NLGN2: variants seen among roughly 807,000 people sequenced by gnomAD.
NLGN2 encodes the protein neuroligin 2, also known as neuroligin-2.
NLGN2 carries 11 observed loss-of-function variants against 48.6 expected under a neutral mutation model. That is an observed-to-expected ratio of 0.23 (90% CI 0.14 to 0.37). The LOEUF is 0.37. Among genes scored for constraint, NLGN2 ranks in the 10% least tolerant of loss-of-function variants. The pLI, the probability that NLGN2 is intolerant of heterozygous loss-of-function variation, is 1.00. For missense variants in NLGN2, 801 were observed against 1,225.2 expected (o/e 0.65, Z 5.17); for synonymous variants, 548 against 550.0 (o/e 1.00, Z 0.05).
intron 5 of NLGN2, 55 bp from the exon 6 acceptor site, chr17:7,415,456 C>A: frequency 6.6e-7 from 1 of 1,519,684 alleles, no homozygotes; most frequent in Non-Finnish European, 9.1e-7. Context: ...TAGCAGGCCA[C>A]AGGCCAAGAG....
intron 6 of NLGN2, 124 bp downstream of exon 6, chr17:7,416,231 C>T (rs1489045922): frequency 2.6e-6 from 2 of 756,238 alleles, no homozygotes; most frequent in Non-Finnish European, 4.6e-6. Flanking sequence ...ACCCAGACAC[C>T]TCTGTGCCAG....
At chr17:7,406,381 G>A (rs974199707), upstream of NLGN2, among the ~76,000 whole-genome samples, 1 of 151,962 alleles carries the variant, frequency 6.6e-6, no homozygotes, top group African/African-American at 2.4e-5. Flanking sequence ...GTGGGGAGGG[G>A]GAGGGGGCAG....
At position 7,408,619 on chromosome 17, in the gene NLGN2, T is replaced by C; in HGVS notation, c.364T>C (p.Trp122Arg). ...GCTGCCCGCCATCATGCTGCCTGTGTGGTTCACCGACAACTTGGAGGCGGC... is the reference window on the plus strand; with the variant it reads ...GCTGCCCGCCATCATGCTGCCTGTGCGGTTCACCGACAACTTGGAGGCGGC... ...GALPAIMLPVWFTDNLEAAAT... is the reference protein window; with the variant it reads ...GALPAIMLPVRFTDNLEAAAT... The change falls in exon 1 of 7, where the codon TGG (tryptophan) becomes CGG (arginine). Residue 122 changes from tryptophan (W) to arginine (R), a missense_variant. Transcript: ENST00000302926. The surrounding 1 kb of genome is among the most constrained non-coding windows in gnomAD (Gnocchi z 7.5). 6.2e-7 allele frequency: 1 copy of C among 1,606,932 alleles called. No individual in the cohort carries two copies. Among genetic ancestry groups the C allele is most frequent in the Non-Finnish European group, 8.5e-7 (1 of 1,177,330 alleles).
At position 7,411,617 on chromosome 17, in the gene NLGN2, G is replaced by C. The variant is rs1238629124; in HGVS notation, c.458-540G>C. On this transcript the variant is annotated intron_variant, in intron 1 of 6. Coordinates refer to ENST00000302926, the MANE Select transcript of NLGN2 (RefSeq NM_020795.4). The surrounding 1 kb of genome is among the most constrained non-coding windows in gnomAD (Gnocchi z 4.5). ...GCTGCCCTGCAGAGTGGTCCAGAGG[G>C]AAGCAGAGTCTTTTCTGCGGCAGTC... Among the ~76,000 whole-genome samples the C allele has an allele frequency of 2.0e-5, 3 of 152,198 alleles. No homozygotes were observed. In the East Asian group the frequency reaches 5.8e-4, roughly 29 times the overall value.
chr17:7,412,196 C>A lies in NLGN2; in HGVS notation c.497C>A (p.Pro166Gln). 6.2e-7 allele frequency: 1 copy of A among 1,612,730 alleles called. No homozygotes were observed. The highest frequency in any genetic ancestry group is 8.5e-7 in the Non-Finnish European group (1 of 1,179,446). ...TKKRDEATLN[P>Q]PDTDIRDPGK... Reference sequence around the variant, plus strand: ...AAACGTGACGAGGCGACGCTCAATCCGCCAGACACAGGTAGATTTAAAAAT... The same window carrying A: ...AAACGTGACGAGGCGACGCTCAATCAGCCAGACACAGGTAGATTTAAAAAT... Residue 166 changes from proline (P) to glutamine (Q), a missense_variant, in exon 2 of 7, where the codon CCG becomes CAG. This residue lies in a region of NLGN2 where 56 missense variants were observed against 100.0 expected (regional missense o/e 0.56). Transcript: ENST00000302926.
chr17:7,417,161 C>A lies in NLGN2; in HGVS notation c.1870C>A (p.Pro624Thr). The A allele has an allele frequency of 1.2e-6, 2 of 1,601,232 alleles. No individual in the cohort carries two copies. Among genetic ancestry groups the A allele is most frequent in the Non-Finnish European group, 1.7e-6 (2 of 1,176,722 alleles). ...CTTCACCACCACCACGCGCCTGCCT[C>A]CCTACGCCACGCGCTGGCCGCCTCG... ...ELFTTTTRLPPYATRWPPRPP... is the reference protein window; with the variant it reads ...ELFTTTTRLPTYATRWPPRPP... Residue 624 changes from proline (P) to threonine (T), a missense_variant, in exon 7 of 7, where the codon CCC (proline) becomes ACC (threonine). Coordinates refer to ENST00000302926, the MANE Select transcript of NLGN2 (RefSeq NM_020795.4).
At position 7,417,591 on chromosome 17, in the gene NLGN2, C is replaced by A; in HGVS notation, c.2300C>A (p.Pro767His). 1 of 1,429,000 alleles carries A rather than the reference C, an allele frequency of 7.0e-7. No individual in the cohort carries two copies. The allele number at this position is 1,429,000 out of a possible 1,614,324, so 88.5% of individuals were successfully genotyped here. A position where few individuals can be genotyped will look rare whatever the true frequency, so the allele number is the denominator to read the frequency against. ...GAGGCTCTGCGCCCTGCCTGCCCGC[C>A]CGACTACACCCTGGCCCTGCGCCGG... ...PAEALRPACP[P>H]DYTLALRRAP... is the part of the protein sequence containing the mutation. The change falls in exon 7 of 7, where the codon CCC becomes CAC. Residue 767 changes from proline to histidine, a missense_variant. Around this residue, in one of 5 missense-constraint regions of NLGN2, gnomAD observed 276 missense variants for 313.9 expected, o/e 0.88. Coordinates refer to ENST00000302926, the MANE Select transcript of NLGN2 (RefSeq NM_020795.4).
chr17:7,408,466 G>T lies in NLGN2; in HGVS notation c.211G>T (p.Gly71Cys). The change falls in exon 1 of 7, where the codon GGC becomes TGC. Residue 71 changes from glycine (G) to cysteine (C), a missense_variant. Gly to Cys is a radical substitution (Grantham distance 159). Coordinates refer to ENST00000302926, the MANE Select transcript of NLGN2 (RefSeq NM_020795.4). This position sits in a 1 kb window ranked among gnomAD's most constrained non-coding sequence, Gnocchi z 7.5. ...EILGPVVQFL[G>C]VPYATPPLGA... ...CCTGGGCCCCGTCGTGCAGTTCTTGGGCGTGCCCTACGCCACGCCGCCCCT... is the reference window on the plus strand; with the variant it reads ...CCTGGGCCCCGTCGTGCAGTTCTTGTGCGTGCCCTACGCCACGCCGCCCCT... 1 of 1,552,436 alleles carries T rather than the reference G, an allele frequency of 6.4e-7. No homozygotes were observed. Among genetic ancestry groups the T allele is most frequent in the Admixed American group, 1.9e-5 (1 of 53,616 alleles).
rs1164179785 is a variant in NLGN2, at chr17:7,408,269, C to T, written c.14C>T (p.Ala5Val). MWLL[A>V]LCLVGLAGAQ... ...CCCCCGATCAGCATGTGGCTCCTGG[C>T]GCTGTGTCTGGTGGGGCTGGCGGGG... The change falls in exon 1 of 7, where the codon GCG (alanine) becomes GTG (valine). Residue 5 changes from alanine to valine, a missense_variant. Physicochemically the swap from Ala to Val is moderately conservative, Grantham distance 64 (BLOSUM62 0). Coordinates refer to ENST00000302926, the MANE Select transcript of NLGN2 (RefSeq NM_020795.4). The surrounding 1 kb of genome is among the most constrained non-coding windows in gnomAD (Gnocchi z 7.5). 2 of 1,307,756 alleles carry T rather than the reference C, an allele frequency of 1.5e-6. No homozygotes were observed. Among genetic ancestry groups the T allele is most frequent in the South Asian group, 2.1e-5 (1 of 47,040 alleles). The allele number at this position is 1,307,756 out of a possible 1,614,324, so 81.0% of individuals were successfully genotyped here. A position where few individuals can be genotyped will look rare whatever the true frequency, so the allele number is the denominator to read the frequency against.
rs1324775449 is a variant in NLGN2 at position 7,415,760 on chromosome 17, G to A, written c.1287G>A (p.Glu429=). 11 of 1,614,262 alleles carry A rather than the reference G, an allele frequency of 6.8e-6. No homozygotes were observed. Among genetic ancestry groups the A allele is most frequent in the Non-Finnish European group, 9.3e-6 (11 of 1,180,036 alleles). Residue 429 remains glutamate (E), a synonymous_variant, in exon 6 of 7, where the codon GAG becomes GAA. Transcript: ENST00000302926. ...CGGAAGGCAAGGATGTGCTTCGGGA[G>A]ACCATCAAGTTTATGTACACAGACT... ...GYPEGKDVLR[E]TIKFMYTDWA...
chr17:7,417,316 G>A lies in NLGN2; in HGVS notation c.2025G>A (p.Glu675=). The A allele has an allele frequency of 6.2e-7, 1 of 1,610,334 alleles. No individual in the cohort carries two copies. Among genetic ancestry groups the A allele is most frequent in the Non-Finnish European group, 8.5e-7 (1 of 1,178,822 alleles). Reference sequence around the variant, plus strand: ...GGGACTCACGGGACTACTCCACGGAGCTGAGCGTCACCGTGGCCGTGGGTG... The same window carrying A: ...GGGACTCACGGGACTACTCCACGGAACTGAGCGTCACCGTGGCCGTGGGTG... The part of the protein sequence containing the change: ...FPGDSRDYST[E]LSVTVAVGAS... The change falls in exon 7 of 7, where the codon GAG becomes GAA. Residue 675 remains glutamate (E), a synonymous_variant. Transcript: ENST00000302926.
At chr17:7,406,437 C>T (rs1906641544), upstream of NLGN2, among the ~76,000 whole-genome samples, 1 of 152,030 alleles carries the variant, frequency 6.6e-6, no homozygotes, top group East Asian at 1.9e-4. Flanking sequence ...AAAAGGAGAT[C>T]CTGGGGGAAT....
chr17:7,407,434 G>T (rs190380129), upstream of NLGN2, among the ~76,000 whole-genome samples: 3 of 152,352 alleles, frequency 2.0e-5, no homozygotes, highest in Admixed American at 1.3e-4. Context: ...TTGAAGTGGG[G>T]ATAAGGTGCT....
rs953494222 is a variant in NLGN2 at position 7,411,576 on chromosome 17, C to T, written c.458-581C>T. On this transcript the variant is annotated intron_variant, in intron 1 of 6. Coordinates refer to ENST00000302926, the MANE Select transcript of NLGN2 (RefSeq NM_020795.4). The surrounding 1 kb of genome is among the most constrained non-coding windows in gnomAD (Gnocchi z 4.5). ...CTGAGCTGTGGGGCAGGCTGCCCCC[C>T]AACCCTGTCCTGCTCGCTGCCCTGC... Among the ~76,000 whole-genome samples the T allele has an allele frequency of 3.3e-5, 5 of 152,212 alleles. No homozygotes were observed. The highest frequency in any genetic ancestry group is 1.2e-4 in the African/African-American group (5 of 41,450).
In NLGN2 at chr17:7,414,564, A is replaced by C. The variant is rs1280499546; in HGVS notation, c.658+71A>C. Reference sequence around the variant, plus strand: ...TGGGCCTGGTGGGCAGGGTTCCTCCACATCCAGCAGAATGGCTTCTGGGCT... The same window carrying C: ...TGGGCCTGGTGGGCAGGGTTCCTCCCCATCCAGCAGAATGGCTTCTGGGCT... On this transcript the variant is annotated intron_variant, in intron 3 of 6. Coordinates refer to ENST00000302926, the MANE Select transcript of NLGN2 (RefSeq NM_020795.4). 6.2e-6 allele frequency: 10 copies of C among 1,611,620 alleles called. No homozygotes were observed. In the East Asian group the frequency reaches 2.2e-4, roughly 36 times the overall value.
chr17:7,415,214 C>G, intron 5 of NLGN2, 66 bp downstream of exon 5: 2 of 1,436,656 alleles, frequency 1.4e-6, no homozygotes, highest in Non-Finnish European at 1.9e-6. Flanking sequence ...TGAGAGGTGC[C>G]TGTGGGCATA....
At chr17:7,415,255 C>A in intron 5 of NLGN2, 107 bp downstream of exon 5, 1 of 1,101,050 alleles carries the variant, frequency 9.1e-7, no homozygotes, top group Non-Finnish European at 1.3e-6. Flanking sequence ...GGCTTCTGGC[C>A]CCCAGTAAGT....
At position 7,408,212 on chromosome 17, in the gene NLGN2, A is replaced by AGG. The variant is rs749995574; in HGVS notation, c.-35_-34dup. On this transcript the variant is annotated 5_prime_UTR_variant, in exon 1 of 7. Transcript: ENST00000302926. The surrounding 1 kb of genome is among the most constrained non-coding windows in gnomAD (Gnocchi z 7.5). ...TCTCCCCCCCTTCTCTCTCTCTCCG[A>AGG]GGGGGGGGGGTCCCAGGGAGGGAGG... 4.7e-4 allele frequency: 410 copies of AGG among 881,128 alleles called. No homozygotes were observed. The African/African-American group carries it at 7.1e-3, about 15-fold the overall frequency. 54.6% of individuals were successfully genotyped at this position (881,128 alleles called of 1,614,324 possible).
chr17:7,415,583 G>A lies in NLGN2; in HGVS notation c.1110G>A (p.Gln370=). ...VPDDPEILMQ[Q]GEFLNYDMLI... ...ATGACCCTGAGATCCTCATGCAGCA[G>A]GGAGAATTCCTCAACTACGACATGC... Residue 370 remains glutamine, a synonymous_variant, in exon 6 of 7, where the codon CAG becomes CAA. Transcript: ENST00000302926. 1.9e-6 allele frequency: 3 copies of A among 1,614,130 alleles called. No homozygotes were observed. The highest frequency in any genetic ancestry group is 1.7e-6 in the Non-Finnish European group (2 of 1,179,948).
Sources: allele counts gnomAD v4.1 joint callset (sites outside exome capture counted in the v4.1 genomes callset), GRCh38; gene constraint gnomAD v4.1.1; regional missense constraint gnomAD v4.1.1; non-coding constraint Gnocchi (gnomAD v3.1); transcripts MANE v1.5; gene names NCBI Gene and HGNC (gene_info 2026-07-23, HGNC 2026-07-21).